The following KCNH5 variants were observed in gnomAD, a reference collection of about 807,000 sequenced individuals.
KCNH5 encodes potassium voltage-gated channel subfamily H member 5, also known as voltage-gated delayed rectifier potassium channel KCNH5.
KCNH5 carries 46 observed loss-of-function variants against 96.1 expected under a neutral mutation model. The observed-to-expected ratio is 0.48, with a 90% CI of 0.38 to 0.61. KCNH5 has a LOEUF of 0.61. Among genes scored for constraint, KCNH5 ranks in the 20% least tolerant of loss-of-function variants. The pLI, the probability that KCNH5 is intolerant of heterozygous loss-of-function variation, is 0.00. For synonymous variants in KCNH5, 439 were observed against 449.8 expected, an observed-to-expected ratio of 0.98 and a Z score of 0.30; for missense variants, 907 against 1,225.8, an observed-to-expected ratio of 0.74 and a Z score of 3.88.
chr14:62,874,443 G>A (rs528146034), intron 7 of KCNH5, among the ~76,000 whole-genome samples: 11 of 152,256 alleles, frequency 7.2e-5, no homozygotes, highest in African/African-American at 2.2e-4. Context: ...TCAGAATGGC[G>A]ATTATTAAAA....
At chr14:62,829,642 G>T (rs186177891) in intron 8 of KCNH5, among the ~76,000 whole-genome samples, 23 of 152,354 alleles carry the variant, frequency 1.5e-4, no homozygotes, top group Non-Finnish European at 4.4e-5. Context: ...CAGAGCAGCA[G>T]AGCTCTGGGC....
chr14:62,799,726 T>TATATATATATATGC (rs1213484157), intron 9 of KCNH5, among the ~76,000 whole-genome samples: 1 of 68,664 alleles, frequency 1.5e-5, no homozygotes, highest in Non-Finnish European at 2.9e-5. Context: ...TATATATATA[T>TATATATATATATGC]ACACACACAC....
At chr14:62,958,271 T>C (rs1238339799) in intron 6 of KCNH5, among the ~76,000 whole-genome samples, 1 of 152,220 alleles carries the variant, frequency 6.6e-6, no homozygotes, top group African/African-American at 2.4e-5. Context: ...AAGTTATTAC[T>C]TCATAAATCT....
chr14:62,919,096 T>C (rs1889331641), intron 7 of KCNH5, among the ~76,000 whole-genome samples: 1 of 152,074 alleles, frequency 6.6e-6, no homozygotes, highest in Admixed American at 6.6e-5. Context: ...TAGAAATTGA[T>C]TACAAAAAGT....
intron 10 of KCNH5, among the ~76,000 whole-genome samples, chr14:62,752,263 C>T (rs1885517664): frequency 2.0e-5 from 3 of 152,002 alleles, no homozygotes; most frequent in African/African-American, 4.8e-5. Flanking sequence ...CTGTACAACA[C>T]AGAGACAACA....
chr14:62,789,390 T>C (rs1886385686), intron 9 of KCNH5, among the ~76,000 whole-genome samples: 1 of 152,016 alleles, frequency 6.6e-6, no homozygotes, highest in African/African-American at 2.4e-5. Context: ...GCAATAAACA[T>C]GGGGGTGCAG....
At chr14:62,917,611 T>C (rs1889300640) in intron 7 of KCNH5, among the ~76,000 whole-genome samples, 2 of 152,196 alleles carry the variant, frequency 1.3e-5, no homozygotes, top group Non-Finnish European at 2.9e-5. Context: ...GCTCTGACTA[T>C]TTATTAGAAA....
rs951089596 is a variant in KCNH5 at position 62,705,378 on chromosome 14, C to G, written c.*2130G>C. The G allele has an allele frequency of 6.6e-6, 1 of 151,928 alleles. No individual in the cohort carries two copies. Among genetic ancestry groups the G allele is most frequent in the African/African-American group, 2.4e-5 (1 of 41,434 alleles). 9.4% of individuals were successfully genotyped at this position (151,928 alleles called of 1,614,324 possible). ...CTTTAAAAGCTTAAGCCAAACTTGA[C>G]TTAAACAAATAGAAAAATACCCTGA... On this transcript the variant is annotated 3_prime_UTR_variant, in exon 11 of 11. Coordinates refer to ENST00000322893, the MANE Select transcript of KCNH5 (RefSeq NM_139318.5).
chr14:62,853,470 TA>T lies in KCNH5; in HGVS notation c.1370-3619del, dbSNP rs769149328. ...AAAAGAATAATCATATATATATATA[TA>T]TATATATATCATATATATATATAAT... On this transcript the variant is annotated intron_variant, in intron 7 of 10. Transcript: ENST00000322893. Among the ~76,000 whole-genome samples the T allele has an allele frequency of 8.1e-4, 104 of 128,788 alleles. 2 individuals are homozygous for T. The highest frequency in any genetic ancestry group is 3.1e-3 in the African/African-American group (101 of 32,890). The allele number at this position is 128,788 out of a possible 152,430, so 84.5% of individuals were successfully genotyped here.
At chr14:62,991,668 A>C (rs1224625557) in intron 4 of KCNH5, among the ~76,000 whole-genome samples, 2 of 152,000 alleles carry the variant, frequency 1.3e-5, no homozygotes, top group Non-Finnish European at 2.9e-5. Context: ...GCTACTCAGT[A>C]ATCTTTTTAT....
intron 4 of KCNH5, among the ~76,000 whole-genome samples, chr14:62,989,252 A>G (rs940922104): frequency 2.0e-5 from 3 of 152,022 alleles, no homozygotes; most frequent in African/African-American, 7.2e-5. Flanking sequence ...GAAGGCCTCC[A>G]GGATAACACT....
At chr14:62,842,809 AG>A (rs753570914) in intron 8 of KCNH5, among the ~76,000 whole-genome samples, 1 of 152,218 alleles carries the variant, frequency 6.6e-6, no homozygotes, top group Non-Finnish European at 1.5e-5. Flanking sequence ...CCTAATAAAA[AG>A]TTGTTGGAAA....
At chr14:62,997,406 T>G (rs1226779653) in intron 4 of KCNH5, among the ~76,000 whole-genome samples, 6 of 152,100 alleles carry the variant, frequency 3.9e-5, no homozygotes, top group Non-Finnish European at 8.8e-5. Context: ...TTACTGAGAG[T>G]TTTTATCATG....
chr14:63,004,108 G>T (rs748602487), intron 3 of KCNH5, among the ~76,000 whole-genome samples: 1 of 152,178 alleles, frequency 6.6e-6, no homozygotes, highest in Non-Finnish European at 1.5e-5. Flanking sequence ...CTTAAAGGAC[G>T]TATTGGGAGA....
chr14:62,831,877 T>G (rs953508947), intron 8 of KCNH5, among the ~76,000 whole-genome samples: 22 of 151,898 alleles, frequency 1.4e-4, no homozygotes, highest in African/African-American at 5.1e-4. Flanking sequence ...TCTGGCTAGT[T>G]TTTTTTCTTA....
At chr14:62,828,667 G>A (rs1160117600) in intron 8 of KCNH5, among the ~76,000 whole-genome samples, 1 of 152,092 alleles carries the variant, frequency 6.6e-6, no homozygotes, top group African/African-American at 2.4e-5. Flanking sequence ...CCTCCTACAG[G>A]TCCCTCTATA....
At chr14:62,815,982 T>C (rs1886969781) in intron 8 of KCNH5, among the ~76,000 whole-genome samples, 1 of 151,920 alleles carries the variant, frequency 6.6e-6, no homozygotes, top group South Asian at 2.1e-4. Context: ...ATATTACTTC[T>C]AAATCCAAAA....
chr14:62,994,849 A>G (rs1175018199), intron 4 of KCNH5, among the ~76,000 whole-genome samples: 1 of 152,092 alleles, frequency 6.6e-6, no homozygotes, highest in Non-Finnish European at 1.5e-5. Context: ...GAAATGACCA[A>G]TAATGAATAT....
intron 10 of KCNH5, among the ~76,000 whole-genome samples, chr14:62,754,428 A>T (rs1332308774): frequency 1.3e-5 from 2 of 152,084 alleles, no homozygotes; most frequent in Non-Finnish European, 2.9e-5. Flanking sequence ...GAATAAACTC[A>T]TCAGTCAGAA....
Sources: allele counts gnomAD v4.1 joint callset (sites outside exome capture counted in the v4.1 genomes callset), GRCh38; gene constraint gnomAD v4.1.1; transcripts MANE v1.5; gene names NCBI Gene and HGNC (gene_info 2026-07-23, HGNC 2026-07-21).